Variants in EXOC4 observed in about 807,000 individuals in gnomAD.
EXOC4 encodes SEC8-like 1.
A neutral mutation model predicts 107.2 loss-of-function variants in EXOC4; 71 were observed. The ratio of observed to expected loss-of-function variants is 0.66; its 90% CI spans 0.55 to 0.81. EXOC4 has a LOEUF of 0.81. Among genes scored for constraint, EXOC4 ranks in the 30% least tolerant of loss-of-function variants. EXOC4 has a pLI of 0.00. For missense variants in EXOC4, 1,108 were observed against 1,189.6 expected, an observed-to-expected ratio of 0.93 and a Z score of 1.01; for synonymous variants, 456 against 441.2, an observed-to-expected ratio of 1.03 and a Z score of -0.42.
intron 7 of EXOC4, among the ~76,000 whole-genome samples, chr7:133,418,786 C>G (rs1427869137): frequency 6.6e-6 from 1 of 152,146 alleles, no homozygotes; most frequent in African/African-American, 2.4e-5. Flanking sequence ...GGTGCATATC[C>G]TCTGACGCTG....
rs187533814 is a variant in EXOC4 at position 133,546,671 on chromosome 7, C to T, written c.1417+66533C>T. 3.9e-5 allele frequency among the ~76,000 whole-genome samples: 6 copies of T among 152,242 alleles called. 1 individual carries two copies. The highest frequency in any genetic ancestry group is 2.0e-4 in the Admixed American group (3 of 15,302). ...AAAGTTCCCTAGTATCCCTTTGCAG[C>T]CGGTCCATTTCCCCACCCCCAGCCT... On this transcript the variant is annotated intron_variant, in intron 9 of 17. Coordinates refer to ENST00000253861, the MANE Select transcript of EXOC4 (RefSeq NM_021807.4).
At chr7:133,754,772 G>A (rs1220812262) in intron 10 of EXOC4, among the ~76,000 whole-genome samples, 1 of 152,058 alleles carries the variant, frequency 6.6e-6, no homozygotes, top group Non-Finnish European at 1.5e-5. Flanking sequence ...TTTTCTTTCT[G>A]TCTTAGAATT....
At chr7:133,489,460 G>C (rs955829359) in intron 9 of EXOC4, among the ~76,000 whole-genome samples, 2 of 152,140 alleles carry the variant, frequency 1.3e-5, no homozygotes, top group Admixed American at 6.6e-5. Context: ...CAGCACTTTT[G>C]TTGCAACTCC....
intron 7 of EXOC4, among the ~76,000 whole-genome samples, chr7:133,404,681 A>G (rs1405669076): frequency 1.3e-5 from 2 of 152,116 alleles, no homozygotes; most frequent in Non-Finnish European, 2.9e-5. Context: ...ACCTGTGCAC[A>G]GCTGTCTTAC....
At chr7:133,876,425 C>A (rs1798850868) in intron 11 of EXOC4, among the ~76,000 whole-genome samples, 1 of 152,128 alleles carries the variant, frequency 6.6e-6, no homozygotes, top group Non-Finnish European at 1.5e-5. Context: ...TTCTTAAAGG[C>A]CAAATGTCCA....
chr7:133,695,401 C>T (rs539959929), intron 10 of EXOC4, among the ~76,000 whole-genome samples: 12 of 151,940 alleles, frequency 7.9e-5, no homozygotes, highest in African/African-American at 2.4e-4. Context: ...GATTCCATAT[C>T]GTGGTTATTA....
intron 11 of EXOC4, among the ~76,000 whole-genome samples, chr7:133,838,626 C>A (rs995442077): frequency 6.6e-6 from 1 of 152,168 alleles, no homozygotes; most frequent in Non-Finnish European, 1.5e-5. Context: ...CTGGTTGCAG[C>A]CTCATGTTTT....
intron 14 of EXOC4, among the ~76,000 whole-genome samples, chr7:133,987,115 T>C (rs1381436242): frequency 6.6e-6 from 1 of 152,104 alleles, no homozygotes; most frequent in Non-Finnish European, 1.5e-5. Context: ...CTATAGAAGT[T>C]AGGAAGGTAC....
chr7:133,629,239 A>G (rs1444829481), intron 9 of EXOC4, among the ~76,000 whole-genome samples: 1 of 152,144 alleles, frequency 6.6e-6, no homozygotes, highest in Non-Finnish European at 1.5e-5. Context: ...ACATAAAATA[A>G]TAGTGTGTCT....
chr7:134,057,979 A>G (rs1795970186), intron 17 of EXOC4, among the ~76,000 whole-genome samples: 1 of 152,134 alleles, frequency 6.6e-6, no homozygotes, highest in Admixed American at 6.5e-5. Flanking sequence ...TACCTCACTA[A>G]GTTGTTCTGC....
At chr7:133,860,616 TTGA>T (rs1798513731) in intron 11 of EXOC4, among the ~76,000 whole-genome samples, 1 of 152,238 alleles carries the variant, frequency 6.6e-6, no homozygotes, top group African/African-American at 2.4e-5. Flanking sequence ...TGTTGTTGAA[TTGA>T]AGAGAATCAA....
At chr7:133,405,016 A>G (rs1158302930) in intron 7 of EXOC4, among the ~76,000 whole-genome samples, 1 of 151,952 alleles carries the variant, frequency 6.6e-6, no homozygotes, top group African/African-American at 2.4e-5. Context: ...CAAGGCTGCA[A>G]TGAGTTATGA....
chr7:133,539,694 C>T (rs1240296072), intron 9 of EXOC4, among the ~76,000 whole-genome samples: 1 of 151,698 alleles, frequency 6.6e-6, no homozygotes, highest in Admixed American at 6.6e-5. Flanking sequence ...TTTTGTGTGA[C>T]TTAGCAGTTT....
At chr7:133,765,906 C>G (rs1796125849) in intron 10 of EXOC4, among the ~76,000 whole-genome samples, 2 of 151,980 alleles carry the variant, frequency 1.3e-5, no homozygotes, top group Admixed American at 6.6e-5. Flanking sequence ...AGATTACTTA[C>G]TACTAGGAGC....
At chr7:134,009,287 G>A (rs753146577) in intron 17 of EXOC4, among the ~76,000 whole-genome samples, 2 of 152,106 alleles carry the variant, frequency 1.3e-5, no homozygotes, top group Non-Finnish European at 2.9e-5. Flanking sequence ...AGGAAAATTT[G>A]AAACAATTTA....
chr7:133,423,822 G>A (rs1019908340), intron 7 of EXOC4, among the ~76,000 whole-genome samples: 11 of 152,118 alleles, frequency 7.2e-5, no homozygotes, highest in South Asian at 4.1e-4. Context: ...GCACGAGCTC[G>A]GAGGGCCCGC....
At chr7:133,411,572 T>G (rs964871514) in intron 7 of EXOC4, among the ~76,000 whole-genome samples, 2 of 152,188 alleles carry the variant, frequency 1.3e-5, no homozygotes, top group Non-Finnish European at 2.9e-5. Context: ...CATTAGCACA[T>G]TCGTACACTG....
At chr7:133,285,463 T>C (rs753045513) in intron 2 of EXOC4, among the ~76,000 whole-genome samples, 17 of 152,246 alleles carry the variant, frequency 1.1e-4, no homozygotes, top group East Asian at 7.7e-4. Context: ...GAAATACTTA[T>C]CTCTTAAAAT....
intron 1 of EXOC4, among the ~76,000 whole-genome samples, chr7:133,254,311 C>T (rs2150495276): frequency 6.6e-6 from 1 of 152,306 alleles, no homozygotes; most frequent in Middle Eastern, 3.4e-3. Flanking sequence ...AAGAGAAAAA[C>T]ATCTCTGTGT....
Sources: allele counts gnomAD v4.1 joint callset (sites outside exome capture counted in the v4.1 genomes callset), GRCh38; gene constraint gnomAD v4.1.1; transcripts MANE v1.5; gene names NCBI Gene and HGNC (gene_info 2026-07-23, HGNC 2026-07-21).